Variants in LRIG1 observed in about 807,000 individuals in gnomAD.
LRIG1 encodes leucine rich repeats and immunoglobulin like domains 1.
A neutral mutation model predicts 99.2 loss-of-function variants in LRIG1; 48 were observed. The observed-to-expected ratio is 0.48, with a 90% CI of 0.38 to 0.62. LRIG1 has a LOEUF of 0.62. LRIG1 is among the 20% of genes least tolerant of loss of function. LRIG1 has a pLI of 0.00. For synonymous variants in LRIG1, 772 were observed against 596.1 expected (o/e 1.29, Z -4.30); for missense variants, 1,646 against 1,434.4 (o/e 1.15, Z -2.38).
intron 1 of LRIG1, among the ~76,000 whole-genome samples, chr3:66,491,122 T>G (rs1701091983): frequency 6.6e-6 from 1 of 152,222 alleles, no homozygotes; most frequent in Non-Finnish European, 1.5e-5. Context: ...TGAAGATTTT[T>G]CTTACAGGCT....
intron 3 of LRIG1, among the ~76,000 whole-genome samples, chr3:66,438,207 C>A (rs1183756751): frequency 6.6e-6 from 1 of 152,136 alleles, no homozygotes; most frequent in Non-Finnish European, 1.5e-5. Context: ...TAGGGTGCTA[C>A]CCCCTGTCCC....
At position 66,500,370 on chromosome 3, in the gene LRIG1, C is replaced by T; in HGVS notation, c.38G>A (p.Arg13His). 1 of 1,479,244 alleles carries T rather than the reference C, an allele frequency of 6.8e-7. No homozygotes were observed. The highest frequency in any genetic ancestry group is 1.4e-5 in the African/African-American group (1 of 69,312). 91.6% of individuals were successfully genotyped at this position (1,479,244 alleles called of 1,614,324 possible). A position where few individuals can be genotyped will look rare whatever the true frequency, so the allele number is the denominator to read the frequency against. Residue 13 changes from arginine (R) to histidine (H), a missense_variant, in exon 1 of 19, where the codon CGC becomes CAC. Arg to His is a conservative substitution (Grantham distance 29). Coordinates refer to ENST00000273261, the MANE Select transcript of LRIG1 (RefSeq NM_015541.3). ...RPVRGGLGAPRRSPCLLLLWL... is the reference protein window; with the variant it reads ...RPVRGGLGAPHRSPCLLLLWL... ...GAGAAGGAGAAGGCAAGGCGAGCGGCGCGGGGCCCCGAGCCCTCCCCGGAC... is the reference window on the plus strand; with the variant it reads ...GAGAAGGAGAAGGCAAGGCGAGCGGTGCGGGGCCCCGAGCCCTCCCCGGAC...
At chr3:66,414,374 G>T (rs907133862) in intron 5 of LRIG1, among the ~76,000 whole-genome samples, 1 of 151,538 alleles carries the variant, frequency 6.6e-6, no homozygotes, top group Admixed American at 6.6e-5. Context: ...CCCACCTGGG[G>T]GACAGAGCGA....
Position 66,380,569 on chromosome 3 carries a change from A to G in LRIG1, c.3055+8T>C. 6.2e-7 allele frequency: 1 copy of G among 1,613,450 alleles called. No homozygotes were observed. ...CAACCCACCTGTTAGAAGACAGTCA[A>G]AAGTTACCTTTCCCATCTAGAGATG... is the stretch of plus-strand genomic sequence containing the variant. On this transcript the variant is annotated splice_region_variant and intron_variant, in intron 18 of 18. Transcript: ENST00000273261.
chr3:66,424,166 C>T (rs1223038881), intron 3 of LRIG1, among the ~76,000 whole-genome samples: 1 of 152,152 alleles, frequency 6.6e-6, no homozygotes, highest in Non-Finnish European at 1.5e-5. Flanking sequence ...AAATCCCAGA[C>T]TGCAACTTCT....
At chr3:66,482,139 G>C (rs925361942) in intron 1 of LRIG1, among the ~76,000 whole-genome samples, 3 of 152,218 alleles carry the variant, frequency 2.0e-5, no homozygotes, top group African/African-American at 7.2e-5. Flanking sequence ...AGCAGTACAG[G>C]ATCAACAGAG....
At chr3:66,388,388 C>A (rs1408850239) in intron 12 of LRIG1, among the ~76,000 whole-genome samples, 3 of 151,108 alleles carry the variant, frequency 2.0e-5, no homozygotes, top group Non-Finnish European at 4.4e-5. Context: ...GCATCAAGCA[C>A]AACAACATAC....
intron 7 of LRIG1, among the ~76,000 whole-genome samples, chr3:66,408,479 C>G (rs1460614436): frequency 6.6e-6 from 1 of 152,194 alleles, no homozygotes; most frequent in Non-Finnish European, 1.5e-5. Flanking sequence ...CTTCTGTGAT[C>G]TTTGCTGCCC....
intron 7 of LRIG1, among the ~76,000 whole-genome samples, chr3:66,409,121 C>T (rs536153306): frequency 2.6e-5 from 4 of 152,066 alleles, no homozygotes; most frequent in Non-Finnish European, 5.9e-5. Context: ...CAGACTGAGG[C>T]TTGGCACTCT....
At chr3:66,461,633 G>A (rs1471148148) in intron 2 of LRIG1, among the ~76,000 whole-genome samples, 1 of 152,174 alleles carries the variant, frequency 6.6e-6, no homozygotes, top group Non-Finnish European at 1.5e-5. Context: ...GCCTGGGTGA[G>A]AATACTGGTG....
intron 3 of LRIG1, among the ~76,000 whole-genome samples, chr3:66,446,389 T>C (rs1468960818): frequency 2.0e-5 from 3 of 146,546 alleles, no homozygotes; most frequent in Admixed American, 6.8e-5. Flanking sequence ...TCCTATCCTC[T>C]CCCGCCCACC....
intron 4 of LRIG1, among the ~76,000 whole-genome samples, chr3:66,415,358 C>A (rs1702589882): frequency 1.3e-5 from 2 of 152,174 alleles, no homozygotes; most frequent in Admixed American, 1.3e-4. Context: ...CACCCCCATG[C>A]CCACTGACAC....
At chr3:66,394,461 G>A (rs1056026619) in intron 11 of LRIG1, among the ~76,000 whole-genome samples, 1 of 152,172 alleles carries the variant, frequency 6.6e-6, no homozygotes, top group Non-Finnish European at 1.5e-5. Flanking sequence ...ACAAGTTCAC[G>A]TATCATGCTG....
At chr3:66,489,244 C>T (rs1701045128) in intron 1 of LRIG1, among the ~76,000 whole-genome samples, 1 of 152,174 alleles carries the variant, frequency 6.6e-6, no homozygotes, top group Non-Finnish European at 1.5e-5. Flanking sequence ...CAAACATTGG[C>T]CTAGCATGGT....
At chr3:66,415,600 C>G (rs974557623) in intron 4 of LRIG1, among the ~76,000 whole-genome samples, 1 of 152,198 alleles carries the variant, frequency 6.6e-6, no homozygotes, top group African/African-American at 2.4e-5. Flanking sequence ...AAGAAACACT[C>G]TAGCTGAAGA....
intron 3 of LRIG1, among the ~76,000 whole-genome samples, chr3:66,450,322 C>G (rs191153520): frequency 1.6e-3 from 240 of 152,284 alleles, no homozygotes; most frequent in African/African-American, 5.6e-3. Flanking sequence ...CACCATTTGT[C>G]AAACACTCCC....
rs575653274 is a variant in LRIG1, at chr3:66,416,864, G to A, written c.503+265C>T. Among the ~76,000 whole-genome samples, 3 of 152,358 alleles carry A rather than the reference G, an allele frequency of 2.0e-5. No homozygotes were observed. In the South Asian group the frequency reaches 6.2e-4, roughly 32 times the overall value. ...ATCTGTTCTTGAGTCCTAGACTCTC[G>A]TCTTGGAGTGCTGAGTCCTTCCTGC... is the stretch of plus-strand genomic sequence containing the variant. On this transcript the variant is annotated intron_variant, in intron 4 of 18. Transcript: ENST00000273261.
intron 2 of LRIG1, among the ~76,000 whole-genome samples, chr3:66,454,328 T>C (rs1283218273): frequency 1.3e-5 from 2 of 152,216 alleles, no homozygotes; most frequent in African/African-American, 2.4e-5. Context: ...AAAGAACTTC[T>C]TGCCAGACTG....
At chr3:66,465,078 C>G (rs1700441885) in intron 1 of LRIG1, among the ~76,000 whole-genome samples, 1 of 152,086 alleles carries the variant, frequency 6.6e-6, no homozygotes. Context: ...TAGGGTGCTA[C>G]CCAGAAAGGG....
Sources: allele counts gnomAD v4.1 joint callset (sites outside exome capture counted in the v4.1 genomes callset), GRCh38; gene constraint gnomAD v4.1.1; transcripts MANE v1.5; gene names NCBI Gene and HGNC (gene_info 2026-07-23, HGNC 2026-07-21).